Variants in UBL3 observed in about 807,000 individuals in gnomAD.
The protein encoded by UBL3 is ubiquitin-like protein 3.
In UBL3, 6 loss-of-function variants were observed where a neutral mutation model predicts 18.4. The ratio of observed to expected loss-of-function variants is 0.33; its 90% CI spans 0.18 to 0.64. The LOEUF (loss-of-function observed/expected upper bound fraction) is 0.64. Ranked by LOEUF, UBL3 falls within the 30% of genes least tolerant of loss-of-function variation. UBL3 has a pLI of 0.76. For missense variants in UBL3, 109 were observed against 142.9 expected (o/e 0.76, Z 1.21); for synonymous variants, 49 against 46.6 (o/e 1.05, Z -0.21).
chr13:29,805,291 G>C (rs895970206), intron 1 of UBL3, among the ~76,000 whole-genome samples: 2 of 152,130 alleles, frequency 1.3e-5, no homozygotes, highest in African/African-American at 4.8e-5. Flanking sequence ...ATTCTCTCTT[G>C]GGAATTCTGT....
rs532261248 is a variant in UBL3 at position 29,819,549 on chromosome 13, A to T, written c.27+29963T>A. Among the ~76,000 whole-genome samples, 7 of 152,336 alleles carry T rather than the reference A, an allele frequency of 4.6e-5. No homozygotes were observed. In the South Asian group the frequency reaches 1.4e-3, roughly 32 times the overall value. ...AGGACTAGAAGATTTAATACAATAA[A>T]GCAGTTATACTTTCTGTAATAGAAC... is the stretch of plus-strand genomic sequence containing the variant. On this transcript the variant is annotated intron_variant, in intron 1 of 4. Transcript: ENST00000380680.
At chr13:29,841,138 A>C (rs1301924402) in intron 1 of UBL3, among the ~76,000 whole-genome samples, 1 of 152,154 alleles carries the variant, frequency 6.6e-6, no homozygotes, top group Admixed American at 6.5e-5. Flanking sequence ...TGTTAATGTC[A>C]AACTTCAACA....
Position 29,847,212 on chromosome 13 carries a change from G to A in UBL3, c.27+2300C>T, listed in dbSNP as rs142546987. ...AACGTTTAAAAGACTTTCACAAAGA[G>A]AAAATCTTAACCTCTAACCAGTTGA... On this transcript the variant is annotated intron_variant, in intron 1 of 4. Coordinates refer to ENST00000380680, the MANE Select transcript of UBL3 (RefSeq NM_007106.4). Among the ~76,000 whole-genome samples the A allele has an allele frequency of 1.3e-3, 194 of 152,214 alleles. 1 individual carries two copies. Among genetic ancestry groups the A allele is most frequent in the African/African-American group, 4.6e-3 (193 of 41,544 alleles).
chr13:29,794,699 T>C lies in UBL3; in HGVS notation c.28-17436A>G, dbSNP rs1877565493. 2.0e-5 allele frequency among the ~76,000 whole-genome samples: 3 copies of C among 152,242 alleles called. No homozygotes were observed. The South Asian group carries it at 6.2e-4, about 31-fold the overall frequency. The stretch of plus-strand genomic sequence containing the variant: ...TAAGTAATCTACTAATGGGTCTTCC[T>C]GGGCACTGGGTGCCCTTTCTCCGAT... On this transcript the variant is annotated intron_variant, in intron 1 of 4. Coordinates refer to ENST00000380680, the MANE Select transcript of UBL3 (RefSeq NM_007106.4).
chr13:29,788,065 C>T (rs1877369666), intron 1 of UBL3, among the ~76,000 whole-genome samples: 1 of 152,082 alleles, frequency 6.6e-6, no homozygotes, highest in South Asian at 2.1e-4. Flanking sequence ...AACTAGGCAC[C>T]CGTTTTCTTT....
chr13:29,845,341 C>T (rs909515666), intron 1 of UBL3, among the ~76,000 whole-genome samples: 2 of 152,032 alleles, frequency 1.3e-5, no homozygotes, highest in Non-Finnish European at 2.9e-5. Flanking sequence ...TCAAGTCACA[C>T]ATATATGTAA....
At chr13:29,804,521 A>G (rs1191772849) in intron 1 of UBL3, among the ~76,000 whole-genome samples, 2 of 152,120 alleles carry the variant, frequency 1.3e-5, no homozygotes, top group African/African-American at 4.8e-5. Context: ...CATACAAAAG[A>G]TCAACAAATC....
chr13:29,835,123 TAAATATATA>T, intron 1 of UBL3, among the ~76,000 whole-genome samples: 1 of 18,124 alleles, frequency 5.5e-5, no homozygotes, highest in African/African-American at 4.6e-4. Flanking sequence ...TATATATATA[TAAATATATA>T]TATATATATA....
In UBL3 at chr13:29,767,026, TG is replaced by T. The variant is rs1876707370; in HGVS notation, c.*228del. 2 of 370,970 alleles carry T rather than the reference TG, an allele frequency of 5.4e-6. No homozygotes were observed. Among genetic ancestry groups the T allele is most frequent in the Non-Finnish European group, 9.5e-6 (2 of 209,986 alleles). The allele number at this position is 370,970 out of a possible 1,614,324, so 23.0% of individuals were successfully genotyped here. On this transcript the variant is annotated 3_prime_UTR_variant, in exon 5 of 5. Coordinates refer to ENST00000380680, the MANE Select transcript of UBL3 (RefSeq NM_007106.4). Reference sequence around the variant, plus strand: ...GATTGACTGCATTCAAAAACCAATATGTGTTAAAACAGCTCAACAAAAAATA... The same window carrying T: ...GATTGACTGCATTCAAAAACCAATATTGTTAAAACAGCTCAACAAAAAATA...
chr13:29,780,850 A>G (rs1213073063), intron 1 of UBL3, among the ~76,000 whole-genome samples: 1 of 152,108 alleles, frequency 6.6e-6, no homozygotes, highest in Non-Finnish European at 1.5e-5. Flanking sequence ...TCTCTGGTAC[A>G]GCAGTTTGTA....
At chr13:29,838,414 ATTATT>A (rs1164969262) in intron 1 of UBL3, among the ~76,000 whole-genome samples, 1 of 152,208 alleles carries the variant, frequency 6.6e-6, no homozygotes, top group Non-Finnish European at 1.5e-5. Context: ...ATGAGCAATG[ATTATT>A]TTAACAACAA....
intron 1 of UBL3, among the ~76,000 whole-genome samples, chr13:29,820,721 A>T (rs1045141264): frequency 1.3e-5 from 2 of 152,216 alleles, no homozygotes; most frequent in African/African-American, 2.4e-5. Context: ...GGTTCTGACC[A>T]TGAGAAAAAC....
In UBL3 at chr13:29,849,646, T is replaced by A. The variant is rs1255720929; in HGVS notation, c.-108A>T. On this transcript the variant is annotated 5_prime_UTR_variant, in exon 1 of 5. Transcript: ENST00000380680. Reference sequence around the variant, plus strand: ...AACCACGATTTTGACTGGTTCGTGATGTGCTTTCTCCCCCAAAAATAAAGT... The same window carrying A: ...AACCACGATTTTGACTGGTTCGTGAAGTGCTTTCTCCCCCAAAAATAAAGT... 2 of 1,411,828 alleles carry A rather than the reference T, an allele frequency of 1.4e-6. No homozygotes were observed. The highest frequency in any genetic ancestry group is 1.4e-5 in the African/African-American group (1 of 70,482). 87.5% of individuals were successfully genotyped at this position (1,411,828 alleles called of 1,614,324 possible).
chr13:29,845,815 G>A (rs1879214209), intron 1 of UBL3, among the ~76,000 whole-genome samples: 1 of 151,964 alleles, frequency 6.6e-6, no homozygotes, highest in African/African-American at 2.4e-5. Context: ...TTCTTTGACC[G>A]TTTTATCAAC....
intron 2 of UBL3, among the ~76,000 whole-genome samples, chr13:29,775,674 C>T (rs1048048344): frequency 3.3e-5 from 5 of 151,972 alleles, no homozygotes; most frequent in African/African-American, 9.7e-5. Context: ...GGAGTACAGA[C>T]GCATAATGTC....
At chr13:29,842,164 CAG>C (rs1434536385) in intron 1 of UBL3, among the ~76,000 whole-genome samples, 2 of 112,024 alleles carry the variant, frequency 1.8e-5, no homozygotes, top group Non-Finnish European at 3.5e-5. Flanking sequence ...TTTTTAGAGA[CAG>C]AGTCTTACTC....
At chr13:29,824,803 C>CAAG (rs1878573353) in intron 1 of UBL3, among the ~76,000 whole-genome samples, 4 of 152,070 alleles carry the variant, frequency 2.6e-5, no homozygotes, top group Non-Finnish European at 4.4e-5. Context: ...CTGAATGGTA[C>CAAG]TGCCTAGGTT....
chr13:29,790,793 C>A (rs1037451015), intron 1 of UBL3, among the ~76,000 whole-genome samples: 3 of 151,888 alleles, frequency 2.0e-5, no homozygotes, highest in East Asian at 3.9e-4. Context: ...GAAGACTATT[C>A]CTGCTTGTTT....
Position 29,764,973 on chromosome 13 carries a change from CT to C in UBL3, c.*2281del, listed in dbSNP as rs1276447317. On this transcript the variant is annotated 3_prime_UTR_variant, in exon 5 of 5. Coordinates refer to ENST00000380680, the MANE Select transcript of UBL3 (RefSeq NM_007106.4). ...TTGGTGTTTTCAGTATATAATTTTA[CT>C]GCTACTTTTTATTCTTTTTTTTCAT... 1.3e-5 allele frequency: 2 copies of C among 151,584 alleles called. No individual in the cohort carries two copies. Among genetic ancestry groups the C allele is most frequent in the Admixed American group, 1.3e-4 (2 of 15,152 alleles). The allele number at this position is 151,584 out of a possible 1,614,324, so 9.4% of individuals were successfully genotyped here.
Sources: allele counts gnomAD v4.1 joint callset (sites outside exome capture counted in the v4.1 genomes callset), GRCh38; gene constraint gnomAD v4.1.1; transcripts MANE v1.5; gene names NCBI Gene and HGNC (gene_info 2026-07-23, HGNC 2026-07-21).